SLC25A27: variants seen among roughly 807,000 people sequenced by gnomAD.
The protein encoded by SLC25A27 is mitochondrial uncoupling protein 4.
Under a neutral mutation model 49.1 loss-of-function variants are expected in SLC25A27, and 35 were observed. The observed-to-expected ratio is 0.71, with a 90% CI of 0.54 to 0.95. The LOEUF is 0.95. Ranked by LOEUF, SLC25A27 falls within the 40% of genes least tolerant of loss-of-function variation. The pLI, the probability that SLC25A27 is intolerant of heterozygous loss-of-function variation, is 0.00. For missense variants in SLC25A27, 339 were observed against 397.1 expected, an observed-to-expected ratio of 0.85 and a Z score of 1.24; for synonymous variants, 144 against 136.9, an observed-to-expected ratio of 1.05 and a Z score of -0.36.
intron 8 of SLC25A27, 150 bp downstream of exon 8, chr6:46,671,378 T>A (rs1763534147): frequency 2.1e-6 from 1 of 479,064 alleles, no homozygotes; most frequent in East Asian, 3.6e-5. Context: ...TTCTTTTATT[T>A]CCTTTCACTT....
chr6:46,664,229 A>G (rs991379736), intron 4 of SLC25A27, among the ~76,000 whole-genome samples: 4 of 152,236 alleles, frequency 2.6e-5, no homozygotes, highest in East Asian at 1.9e-4. Flanking sequence ...TCATCTATCT[A>G]TAGAGAAATG....
intron 1 of SLC25A27, chr6:46,653,778 T>C: frequency 1.0e-6 from 1 of 985,080 alleles, no homozygotes; most frequent in Non-Finnish European, 1.2e-6. Context: ...CTTGACCTCT[T>C]TGAGTGTAAT....
At chr6:46,673,526 A>G (rs927610068) in intron 8 of SLC25A27, among the ~76,000 whole-genome samples, 4 of 152,222 alleles carry the variant, frequency 2.6e-5, no homozygotes, top group Non-Finnish European at 5.9e-5. Context: ...GGCTTCACAG[A>G]GCTGATATTT....
chr6:46,665,755 A>G lies in SLC25A27; in HGVS notation c.619+869A>G, dbSNP rs556793331. Among the ~76,000 whole-genome samples the G allele has an allele frequency of 9.3e-4, 142 of 152,282 alleles. 2 individuals carry two copies. Among genetic ancestry groups the G allele is most frequent in the Non-Finnish European group, 3.2e-4 (22 of 68,008 alleles). ...TAGTATCCTTAAAATGACCATTTCT[A>G]CACCACTAGCCTTCAAAACCTCTCC... On this transcript the variant is annotated intron_variant, in intron 5 of 8. Transcript: ENST00000371347.
At chr6:46,659,504 G>C (rs1156587577) in intron 3 of SLC25A27, among the ~76,000 whole-genome samples, 3 of 152,076 alleles carry the variant, frequency 2.0e-5, no homozygotes, top group Non-Finnish European at 4.4e-5. Flanking sequence ...AACGGAAACT[G>C]AAAAAATCGG....
rs1763532937 is a variant in SLC25A27, at chr6:46,671,363, AAAT to A, written c.900+136_900+138del. ...AATCAAGGTCCTTTCTTTCTTTTTT[AAAT>A]CTTCTTTTATTTCCTTTCACTTCTC... On this transcript the variant is annotated intron_variant, in intron 8 of 8. Transcript: ENST00000371347. The A allele has an allele frequency of 6.1e-6, 3 of 488,982 alleles. No homozygotes were observed. In the Admixed American group the frequency reaches 1.3e-4, roughly 21 times the overall value. The allele number at this position is 488,982 out of a possible 1,614,324, so 30.3% of individuals were successfully genotyped here.
chr6:46,653,326 C>G (rs1762826159), intron 1 of SLC25A27, 28 bp downstream of exon 1: 1 of 1,595,516 alleles, frequency 6.3e-7, no homozygotes, highest in South Asian at 1.1e-5. Flanking sequence ...CCTGGGCCTC[C>G]CGGGCCAGTG....
chr6:46,654,028 A>G (rs897279904), intron 1 of SLC25A27: 5 of 773,086 alleles, frequency 6.5e-6, no homozygotes, highest in African/African-American at 3.8e-5. Flanking sequence ...ATAAAAGCAT[A>G]GAAGAGCAGT....
At chr6:46,663,062 A>G (rs1437501091) in intron 4 of SLC25A27, among the ~76,000 whole-genome samples, 3 of 152,150 alleles carry the variant, frequency 2.0e-5, no homozygotes, top group Non-Finnish European at 2.9e-5. Flanking sequence ...TTTCCCTAAT[A>G]TGGCTTTGGG....
intron 8 of SLC25A27, among the ~76,000 whole-genome samples, chr6:46,672,278 A>C (rs1763581742): frequency 6.6e-6 from 1 of 152,188 alleles, no homozygotes. Flanking sequence ...GAAACCTAGC[A>C]GACCAAGCTA....
In SLC25A27 at chr6:46,662,320, C is replaced by G. The variant is rs900335711; in HGVS notation, c.384-56C>G. 4 of 1,544,084 alleles carry G rather than the reference C, an allele frequency of 2.6e-6. No individual in the cohort carries two copies. The African/African-American group carries it at 4.1e-5, about 16-fold the overall frequency. ...CCTGTACCAGCTCAGTATTGGTTCACTATAAAATTCGTGAAATTAATGGCA... is the reference window on the plus strand; with the variant it reads ...CCTGTACCAGCTCAGTATTGGTTCAGTATAAAATTCGTGAAATTAATGGCA... On this transcript the variant is annotated intron_variant, in intron 3 of 8. Coordinates refer to ENST00000371347, the MANE Select transcript of SLC25A27 (RefSeq NM_004277.5).
intron 2 of SLC25A27, among the ~76,000 whole-genome samples, chr6:46,656,434 C>A (rs1762982353): frequency 6.6e-6 from 1 of 151,480 alleles, no homozygotes. Flanking sequence ...CAACCTTTGT[C>A]TCCCGAGTTC....
chr6:46,676,213 A>G (rs1456431056), intron 8 of SLC25A27, among the ~76,000 whole-genome samples, 170 bp from the exon 9 acceptor site: 1 of 152,224 alleles, frequency 6.6e-6, no homozygotes, highest in East Asian at 1.9e-4. Context: ...TAAGACATAA[A>G]AAATGCTTTG....
intron 8 of SLC25A27, 142 bp downstream of exon 8, chr6:46,671,370 C>G (rs1211542373): frequency 2.1e-6 from 1 of 479,664 alleles, no homozygotes; most frequent in African/African-American, 2.1e-5. Flanking sequence ...TTTAAATCTT[C>G]TTTTATTTCC....
intron 6 of SLC25A27, among the ~76,000 whole-genome samples, chr6:46,669,671 G>C (rs771991984): frequency 6.6e-5 from 10 of 152,100 alleles, no homozygotes; most frequent in Admixed American, 3.9e-4. Context: ...CTATCTTCTT[G>C]TAACATTCTT....
chr6:46,658,788 C>T, intron 2 of SLC25A27, 174 bp from the exon 3 acceptor site: 1 of 614,440 alleles, frequency 1.6e-6, no homozygotes. Context: ...AAGAGCATGC[C>T]CCATTTGGAG....
rs548058799 is a variant in SLC25A27, at chr6:46,667,620, A to G, written c.620-1089A>G. On this transcript the variant is annotated intron_variant, in intron 5 of 8. Coordinates refer to ENST00000371347, the MANE Select transcript of SLC25A27 (RefSeq NM_004277.5). ...AACATACTGTATTTTTGCCTGGGGC[A>G]ATTTCTCTTAGCTATCTACAGGGTT... Among the ~76,000 whole-genome samples the G allele has an allele frequency of 3.5e-4, 53 of 152,292 alleles. No homozygotes were observed. The South Asian group carries it at 9.9e-3, about 29-fold the overall frequency.
intron 5 of SLC25A27, among the ~76,000 whole-genome samples, chr6:46,666,390 G>A (rs1396196237): frequency 6.6e-6 from 1 of 152,146 alleles, no homozygotes; most frequent in African/African-American, 2.4e-5. Context: ...AACATTTGAA[G>A]AATGAATTAA....
Position 46,670,196 on chromosome 6 carries a change from A to G in SLC25A27, c.766A>G (p.Ile256Val). The change falls in exon 7 of 9, where the codon ATA (isoleucine) becomes GTA (valine). Residue 256 changes from isoleucine (I) to valine (V), a missense_variant. Coordinates refer to ENST00000371347, the MANE Select transcript of SLC25A27 (RefSeq NM_004277.5). Reference sequence around the variant, plus strand: ...ACCAGCCGATGTCATCAAAAGCAGAATAATGAATCAACCACGAGATAAACA... The same window carrying G: ...ACCAGCCGATGTCATCAAAAGCAGAGTAATGAATCAACCACGAGATAAACA... Reference protein sequence around the residue: ...GTPADVIKSRIMNQPRDKQGR... With the variant: ...GTPADVIKSRVMNQPRDKQGR... The G allele has an allele frequency of 4.3e-6, 7 of 1,613,322 alleles. No individual in the cohort carries two copies. The highest frequency in any genetic ancestry group is 5.9e-6 in the Non-Finnish European group (7 of 1,179,674).
Sources: allele counts gnomAD v4.1 joint callset (sites outside exome capture counted in the v4.1 genomes callset), GRCh38; gene constraint gnomAD v4.1.1; transcripts MANE v1.5; gene names NCBI Gene and HGNC (gene_info 2026-07-23, HGNC 2026-07-21).